ETV5: variants seen among roughly 807,000 people sequenced by gnomAD.
ETV5 encodes ETS translocation variant 5.
Under a neutral mutation model 70.0 loss-of-function variants are expected in ETV5, and 10 were observed. The ratio of observed to expected loss-of-function variants is 0.14; its 90% confidence interval spans 0.09 to 0.24. The LOEUF is 0.24. Ranked by LOEUF, ETV5 falls within the 10% of genes least tolerant of loss-of-function variation. The pLI is 1.00. For synonymous variants in ETV5, 216 were observed against 242.2 expected (o/e 0.89, Z 1.01); for missense variants, 453 against 651.2 (o/e 0.70, Z 3.31).
At chr3:186,067,351 G>A (rs770663976) in intron 7 of ETV5, among the ~76,000 whole-genome samples, 1 of 152,252 alleles carries the variant, frequency 6.6e-6, no homozygotes, top group Non-Finnish European at 1.5e-5. Flanking sequence ...AGAATCGCTT[G>A]AACCTGGGAG....
Position 186,065,823 on chromosome 3 carries a change from G to A in ETV5, c.900C>T (p.Cys300=), listed in dbSNP as rs952232860. ...CAATTTGATGCTGACCTGAATCGAC[G>A]CAGTAATCCCGAGGCTCCTGCTTGA... is the stretch of plus-strand genomic sequence containing the variant. ...MGIKQEPRDY[C]VDSEVPNCQS... is the part of the protein sequence containing the mutation. Residue 300 remains cysteine, a synonymous_variant, in exon 8 of 13, where the codon TGC becomes TGT. Coordinates refer to ENST00000306376, the MANE Select transcript of ETV5 (RefSeq NM_004454.3). The A allele has an allele frequency of 6.8e-6, 11 of 1,613,968 alleles. No individual in the cohort carries two copies. Among genetic ancestry groups the A allele is most frequent in the South Asian group, 4.4e-5 (4 of 91,082 alleles).
intron 7 of ETV5, among the ~76,000 whole-genome samples, chr3:186,074,049 G>A (rs956276533): frequency 4.6e-5 from 7 of 151,892 alleles, no homozygotes; most frequent in Admixed American, 2.0e-4. Flanking sequence ...GAAAACACCC[G>A]AGAGAGAATA....
intron 12 of ETV5, 145 bp downstream of exon 12, chr3:186,051,885 T>C (rs1713041663): frequency 1.5e-6 from 1 of 655,996 alleles, no homozygotes; most frequent in Non-Finnish European, 2.6e-6. Flanking sequence ...CTCAAGTTTG[T>C]CTTCTCAAGA....
intron 5 of ETV5, chr3:186,095,329 A>G (rs1714279322): frequency 6.6e-6 from 1 of 152,202 alleles, no homozygotes; most frequent in Admixed American, 6.5e-5. Context: ...AGGAAAAAAA[A>G]TTGCAAAACT....
intron 8 of ETV5, 62 bp from the exon 9 acceptor site, chr3:186,064,538 T>C (rs1713389778): frequency 1.3e-6 from 2 of 1,499,364 alleles, no homozygotes; most frequent in Non-Finnish European, 1.9e-6. Context: ...AAACAGCACA[T>C]CGGTCAACTG....
intron 7 of ETV5, among the ~76,000 whole-genome samples, chr3:186,075,898 A>C (rs1321330446): frequency 1.3e-5 from 2 of 152,220 alleles, no homozygotes; most frequent in East Asian, 3.8e-4. Context: ...TTCTTAGTGG[A>C]GCTTCTTCAG....
At chr3:186,069,416 G>A (rs1207586708) in intron 7 of ETV5, among the ~76,000 whole-genome samples, 2 of 151,690 alleles carry the variant, frequency 1.3e-5, no homozygotes, top group Admixed American at 6.6e-5. Flanking sequence ...TCCCGTCTCA[G>A]GTTTACACTT....
Position 186,048,516 on chromosome 3 carries a change from C to T in ETV5, c.*123G>A, listed in dbSNP as rs1383103866. 5.8e-6 allele frequency: 5 copies of T among 865,308 alleles called. No individual in the cohort carries two copies. The Admixed American group carries it at 1.1e-4, about 20-fold the overall frequency. 53.6% of individuals were successfully genotyped at this position (865,308 alleles called of 1,614,324 possible). ...TGCCAATCCAGAGACAGCTTGGGTT[C>T]TCCAGATAATACTCAAAGGGCAAGC... On this transcript the variant is annotated 3_prime_UTR_variant, in exon 13 of 13. Coordinates refer to ENST00000306376, the MANE Select transcript of ETV5 (RefSeq NM_004454.3).
intron 5 of ETV5, among the ~76,000 whole-genome samples, chr3:186,099,033 A>G (rs866548364): frequency 6.6e-6 from 1 of 152,098 alleles, no homozygotes; most frequent in Non-Finnish European, 1.5e-5. Flanking sequence ...CTCTGCTTCA[A>G]TTTTCCCCTA....
At chr3:186,102,101 C>T (rs1714473725) in intron 5 of ETV5, among the ~76,000 whole-genome samples, 1 of 151,826 alleles carries the variant, frequency 6.6e-6, no homozygotes, top group Non-Finnish European at 1.5e-5. Flanking sequence ...TCCCTATGGG[C>T]AGGAAACCCA....
chr3:186,062,892 A>G (rs1165366078), intron 9 of ETV5, among the ~76,000 whole-genome samples: 1 of 152,182 alleles, frequency 6.6e-6, no homozygotes, highest in Admixed American at 6.5e-5. Context: ...TTTAATTTTC[A>G]TCTTTTTGTC....
chr3:186,102,226 ATT>A (rs1200301391), intron 5 of ETV5, among the ~76,000 whole-genome samples: 1 of 152,120 alleles, frequency 6.6e-6, no homozygotes, highest in Non-Finnish European at 1.5e-5. Flanking sequence ...TATTACCTAC[ATT>A]TCTTAGTATT....
chr3:186,070,174 G>A (rs1713567239), intron 7 of ETV5, among the ~76,000 whole-genome samples: 1 of 152,292 alleles, frequency 6.6e-6, no homozygotes, highest in Admixed American at 6.5e-5. Context: ...TGAAAGGAAT[G>A]GTAGTAACGC....
At chr3:186,073,244 C>A (rs191079491) in intron 7 of ETV5, among the ~76,000 whole-genome samples, 5 of 152,254 alleles carry the variant, frequency 3.3e-5, no homozygotes, top group Admixed American at 2.6e-4. Context: ...TCTCAGTTTG[C>A]GATACCTACA....
intron 5 of ETV5, among the ~76,000 whole-genome samples, chr3:186,085,117 CTTG>C (rs1310615790): frequency 5.2e-3 from 408 of 78,220 alleles, no homozygotes; most frequent in African/African-American, 0.033. Flanking sequence ...CTCAAAGTCA[CTTG>C]CCACGTAAAG....
chr3:186,100,396 G>A (rs1338782758), intron 5 of ETV5, among the ~76,000 whole-genome samples: 4 of 152,124 alleles, frequency 2.6e-5, no homozygotes, highest in Non-Finnish European at 5.9e-5. Flanking sequence ...AAGAAAACGT[G>A]GTGTTTTGCT....
chr3:186,057,192 C>T lies in ETV5; in HGVS notation c.1092G>A (p.Arg364=), dbSNP rs2150142345. ...ACTGCCACAGCTGAAGGGAACCTCGCCTCTGGTAAGGGGGCCCCTCTCGAT... is the reference window on the plus strand; with the variant it reads ...ACTGCCACAGCTGAAGGGAACCTCGTCTCTGGTAAGGGGGCCCCTCTCGAT... The part of the protein sequence containing the change: ...TMYREGPPYQ[R]RGSLQLWQFL... The change falls in exon 11 of 13, where the codon AGG becomes AGA. Residue 364 remains arginine, a synonymous_variant. Transcript: ENST00000306376. This position sits in a 1 kb window ranked among gnomAD's most constrained non-coding sequence, Gnocchi z 4.9. 1 of 1,614,150 alleles carries T rather than the reference C, an allele frequency of 6.2e-7. No homozygotes were observed. The highest frequency in any genetic ancestry group is 2.2e-5 in the East Asian group (1 of 44,882).
chr3:186,075,374 C>T (rs1360808513), intron 7 of ETV5, among the ~76,000 whole-genome samples: 1 of 152,182 alleles, frequency 6.6e-6, no homozygotes, highest in Non-Finnish European at 1.5e-5. Flanking sequence ...GTTCATTCCT[C>T]TCTAAAAATT....
At chr3:186,049,306 C>T (rs1044698735) in intron 12 of ETV5, among the ~76,000 whole-genome samples, 4 of 152,196 alleles carry the variant, frequency 2.6e-5, no homozygotes, top group African/African-American at 9.7e-5. Context: ...AGCGAGCCTG[C>T]GCAGAAGCCT....
Sources: allele counts gnomAD v4.1 joint callset (sites outside exome capture counted in the v4.1 genomes callset), GRCh38; gene constraint gnomAD v4.1.1; non-coding constraint Gnocchi (gnomAD v3.1); transcripts MANE v1.5; gene names NCBI Gene and HGNC (gene_info 2026-07-23, HGNC 2026-07-21).